LINGO2: variants seen among roughly 807,000 people sequenced by gnomAD.
LINGO2 encodes the protein leucine rich repeat and Ig domain containing 2, also known as leucine-rich repeat and immunoglobulin-like domain-containing nogo receptor-interacting protein 2.
In LINGO2, 14 loss-of-function variants were observed where a neutral mutation model predicts 30.6. That is an observed-to-expected ratio of 0.46 (90% confidence interval 0.30 to 0.72). LINGO2 has a LOEUF of 0.72. LINGO2 is among the 30% of genes least tolerant of loss of function. The pLI is 0.07. For missense variants in LINGO2, 729 were observed against 751.7 expected, an observed-to-expected ratio of 0.97 and a Z score of 0.35; for synonymous variants, 317 against 288.5, an observed-to-expected ratio of 1.10 and a Z score of -1.00.
At chr9:28,914,628 T>C in the LINGO2 span, among the ~76,000 whole-genome samples, 3 of 152,116 alleles carry the variant, frequency 2.0e-5, no homozygotes, top group Non-Finnish European at 4.4e-5. Context: ...AATTTGATAT[T>C]TGCAGGATGT....
chr9:28,939,113 G>A, the LINGO2 span, among the ~76,000 whole-genome samples: 1 of 152,086 alleles, frequency 6.6e-6, no homozygotes, highest in East Asian at 1.9e-4. Context: ...AACACATATA[G>A]TGCAAGAATG....
intron 4 of LINGO2, among the ~76,000 whole-genome samples, chr9:28,104,262 G>GTTTTTTTT (rs1364642044): frequency 1.1e-4 from 6 of 55,808 alleles, no homozygotes; most frequent in Admixed American, 2.2e-4. Flanking sequence ...CAAGTTTTTT[G>GTTTTTTTT]TTTGTTTTTT....
chr9:28,066,393 G>A (rs944499651), intron 4 of LINGO2, among the ~76,000 whole-genome samples: 2 of 152,034 alleles, frequency 1.3e-5, no homozygotes, highest in Non-Finnish European at 1.5e-5. Context: ...TTCAGGGGTG[G>A]CACCAAAGAA....
rs112190598 is a variant in LINGO2 at position 28,314,008 on chromosome 9, A to C, written c.-245-18642T>G. On this transcript the variant is annotated intron_variant, in intron 3 of 5. Transcript: ENST00000379992. ...GAGTGCAGTGGCGCGATCTTGGCTC[A>C]CTGCAGGCTCCACCCCGCGGGGTTC... is the stretch of plus-strand genomic sequence containing the variant. Among the ~76,000 whole-genome samples the C allele has an allele frequency of 2.0e-3, 300 of 151,948 alleles. 1 individual carries two copies. Among genetic ancestry groups the C allele is most frequent in the Non-Finnish European group, 3.7e-3 (249 of 67,940 alleles).
chr9:28,578,185 G>T (rs1024022315), intron 1 of LINGO2, among the ~76,000 whole-genome samples: 1 of 152,114 alleles, frequency 6.6e-6, no homozygotes, highest in Non-Finnish European at 1.5e-5. Flanking sequence ...CTTGCTGCCA[G>T]GCTAAGGGTT....
chr9:28,172,450 A>G (rs1828630621), intron 4 of LINGO2, among the ~76,000 whole-genome samples: 1 of 151,988 alleles, frequency 6.6e-6, no homozygotes, highest in South Asian at 2.1e-4. Flanking sequence ...ACATTATCTC[A>G]CTGAATCCAC....
In LINGO2 at chr9:28,299,416, G is replaced by T. The variant is rs930322487; in HGVS notation, c.-245-4050C>A. 3.3e-5 allele frequency among the ~76,000 whole-genome samples: 5 copies of T among 151,498 alleles called. No individual in the cohort carries two copies. In the South Asian group the frequency reaches 1.0e-3, roughly 32 times the overall value. The stretch of plus-strand genomic sequence containing the variant: ...TAATTTTAGGGAAAGGGTAGGTTTG[G>T]CCATTTATTATTCACAAAATTATTG... On this transcript the variant is annotated intron_variant, in intron 3 of 5. Coordinates refer to ENST00000379992, the Ensembl canonical transcript of LINGO2.
the LINGO2 span, among the ~76,000 whole-genome samples, chr9:28,771,452 GGTGTGT>G: frequency 0.03 from 3,568 of 119,992 alleles, 73 homozygotes; most frequent in African/African-American, 0.047. Flanking sequence ...TTTCCTATTT[GGTGTGT>G]GTGTGTGTGT....
the LINGO2 span, among the ~76,000 whole-genome samples, chr9:29,162,541 C>T: frequency 1.3e-5 from 2 of 151,858 alleles, no homozygotes; most frequent in African/African-American, 4.8e-5. Flanking sequence ...TCATGAAAGG[C>T]ACAATAGATG....
chr9:28,069,925 C>T (rs369997883), intron 4 of LINGO2, among the ~76,000 whole-genome samples: 2 of 152,184 alleles, frequency 1.3e-5, no homozygotes, highest in African/African-American at 4.8e-5. Flanking sequence ...TGGTGAGTGT[C>T]GCCATTGCAC....
At chr9:29,145,825 TGAA>T in the LINGO2 span, among the ~76,000 whole-genome samples, 1 of 152,180 alleles carries the variant, frequency 6.6e-6, no homozygotes, top group African/African-American at 2.4e-5. Flanking sequence ...TAAACCATAA[TGAA>T]GAATACATTT....
At chr9:28,786,971 T>C in the LINGO2 span, among the ~76,000 whole-genome samples, 1 of 152,182 alleles carries the variant, frequency 6.6e-6, no homozygotes, top group Non-Finnish European at 1.5e-5. Flanking sequence ...GGATTAACAA[T>C]GTGTGCATGA....
At chr9:28,493,333 AACTGACATATC>A (rs1484564491) in intron 1 of LINGO2, among the ~76,000 whole-genome samples, 3 of 152,168 alleles carry the variant, frequency 2.0e-5, no homozygotes, top group African/African-American at 7.2e-5. Context: ...AAGTATTTAT[AACTGACATATC>A]ACTTTTAAAA....
At chr9:28,058,901 T>G (rs1825049444) in intron 4 of LINGO2, among the ~76,000 whole-genome samples, 1 of 152,188 alleles carries the variant, frequency 6.6e-6, no homozygotes, top group South Asian at 2.1e-4. Flanking sequence ...TATGAACACT[T>G]GTACATGCAT....
intron 1 of LINGO2, among the ~76,000 whole-genome samples, chr9:28,592,859 A>G (rs186531171): frequency 7.6e-4 from 115 of 152,178 alleles, no homozygotes; most frequent in Non-Finnish European, 1.4e-3. Flanking sequence ...GTAACAAAGC[A>G]GATATCTTCT....
intron 4 of LINGO2, among the ~76,000 whole-genome samples, chr9:28,280,656 C>T (rs7871547): frequency 2.0e-5 from 3 of 151,890 alleles, no homozygotes; most frequent in Non-Finnish European, 2.9e-5. Flanking sequence ...TATCAGTATA[C>T]TCTGAATGGT....
the LINGO2 span, among the ~76,000 whole-genome samples, chr9:29,099,774 T>C: frequency 6.6e-6 from 1 of 152,176 alleles, no homozygotes; most frequent in African/African-American, 2.4e-5. Flanking sequence ...CATCATAAAT[T>C]GTGGGTGGAA....
chr9:28,071,403 A>G (rs761468039), intron 4 of LINGO2, among the ~76,000 whole-genome samples: 1 of 151,998 alleles, frequency 6.6e-6, no homozygotes, highest in Non-Finnish European at 1.5e-5. Context: ...ATAGTTTTCT[A>G]CTGTTGGTAC....
At chr9:28,589,209 A>C (rs945785888) in intron 1 of LINGO2, among the ~76,000 whole-genome samples, 3 of 152,102 alleles carry the variant, frequency 2.0e-5, no homozygotes, top group Non-Finnish European at 4.4e-5. Context: ...GAATGGACAA[A>C]AACTGGAAGC....
Sources: allele counts gnomAD v4.1 joint callset (sites outside exome capture counted in the v4.1 genomes callset), GRCh38; gene constraint gnomAD v4.1.1; transcripts MANE v1.5; gene names NCBI Gene and HGNC (gene_info 2026-07-23, HGNC 2026-07-21).